CPPED1: variants seen among roughly 807,000 people sequenced by gnomAD.
The protein encoded by CPPED1 is calcineurin like phosphoesterase domain containing 1.
CPPED1 carries 28 observed loss-of-function variants against 28.0 expected under a neutral mutation model. The ratio of observed to expected loss-of-function variants is 1.00; its 90% CI spans 0.74 to 1.37. CPPED1 has a LOEUF of 1.37. Ranked by LOEUF, CPPED1 falls within the 40% of genes most tolerant of loss-of-function variation. The pLI is 0.00. For missense variants in CPPED1, 504 were observed against 416.5 expected, an observed-to-expected ratio of 1.21 and a Z score of -1.83; for synonymous variants, 198 against 180.2, an observed-to-expected ratio of 1.10 and a Z score of -0.79.
Position 12,785,522 on chromosome 16 carries a change from A to G in CPPED1, c.71-4119T>C, listed in dbSNP as rs111634309. 9.3e-3 allele frequency among the ~76,000 whole-genome samples: 1,412 copies of G among 151,334 alleles called. 18 individuals are homozygous for G. Among genetic ancestry groups the G allele is most frequent in the African/African-American group, 0.033 (1,351 of 41,192 alleles). On this transcript the variant is annotated intron_variant, in intron 1 of 3. Transcript: ENST00000381774. ...TGCTTACTGCAATCTCTGCCTCCCA[A>G]GCTCAAGTGATTCTCATGCCTCAGC...
chr16:12,685,475 A>G (rs2079927960), intron 3 of CPPED1, among the ~76,000 whole-genome samples: 1 of 152,196 alleles, frequency 6.6e-6, no homozygotes, highest in Admixed American at 6.5e-5. Flanking sequence ...GAATAAAATG[A>G]TAATAATAGC....
chr16:12,769,560 C>G (rs75676655), intron 2 of CPPED1, among the ~76,000 whole-genome samples: 1 of 152,296 alleles, frequency 6.6e-6, no homozygotes, highest in African/African-American at 2.4e-5. Flanking sequence ...TCCCAGTTCC[C>G]TAATTAGTCA....
chr16:12,770,614 G>A (rs1292520897), intron 2 of CPPED1, among the ~76,000 whole-genome samples: 1 of 152,108 alleles, frequency 6.6e-6, no homozygotes, highest in Non-Finnish European at 1.5e-5. Context: ...CCTGAGGTCA[G>A]GAGTTTGAGA....
At chr16:12,749,061 C>T (rs150297625) in intron 2 of CPPED1, among the ~76,000 whole-genome samples, 118 of 152,150 alleles carry the variant, frequency 7.8e-4, no homozygotes, top group African/African-American at 2.7e-3. Flanking sequence ...GATGAGGACG[C>T]TAGCTGCTGA....
chr16:12,758,771 T>G (rs2080389075), intron 2 of CPPED1, among the ~76,000 whole-genome samples: 1 of 152,136 alleles, frequency 6.6e-6, no homozygotes, highest in Non-Finnish European at 1.5e-5. Context: ...AAACTGGTAC[T>G]TCTGGAGCAG....
intron 2 of CPPED1, among the ~76,000 whole-genome samples, chr16:12,717,875 C>T (rs2080115848): frequency 6.6e-6 from 1 of 152,140 alleles, no homozygotes; most frequent in Non-Finnish European, 1.5e-5. Flanking sequence ...CTCCTGACCT[C>T]AAGTGATCTG....
chr16:12,769,653 C>A (rs776153099), intron 2 of CPPED1, among the ~76,000 whole-genome samples: 9 of 152,128 alleles, frequency 5.9e-5, no homozygotes, highest in Admixed American at 5.9e-4. Flanking sequence ...ATGATTTCAC[C>A]GGGCTCATAC....
At chr16:12,756,354 G>T (rs13333158) in intron 2 of CPPED1, among the ~76,000 whole-genome samples, 1,921 of 152,226 alleles carry the variant, frequency 0.013, 36 homozygotes, top group African/African-American at 0.044. Context: ...ATCTCACGTG[G>T]GCAGTTCCAC....
intron 3 of CPPED1, among the ~76,000 whole-genome samples, chr16:12,678,488 C>T (rs1018707748): frequency 5.3e-5 from 8 of 151,978 alleles, no homozygotes; most frequent in Non-Finnish European, 8.8e-5. Flanking sequence ...GTCGCTCAAT[C>T]GGGGGGGAAA....
chr16:12,683,728 A>G (rs1012119034), intron 3 of CPPED1, among the ~76,000 whole-genome samples: 1 of 151,956 alleles, frequency 6.6e-6, no homozygotes, highest in East Asian at 1.9e-4. Context: ...CTCCATCCTC[A>G]GTGTGATCTT....
At chr16:12,741,759 C>A (rs1180444993) in intron 2 of CPPED1, among the ~76,000 whole-genome samples, 1 of 152,156 alleles carries the variant, frequency 6.6e-6, no homozygotes, top group African/African-American at 2.4e-5. Context: ...ATTTAAAACA[C>A]TGCAAAACTG....
intron 2 of CPPED1, among the ~76,000 whole-genome samples, chr16:12,757,081 T>C (rs2080374734): frequency 6.6e-6 from 1 of 151,884 alleles, no homozygotes; most frequent in Non-Finnish European, 1.5e-5. Context: ...GATGACCAAC[T>C]AAGTTACAGC....
intron 2 of CPPED1, among the ~76,000 whole-genome samples, chr16:12,778,683 A>G (rs950356719): frequency 1.2e-4 from 18 of 152,266 alleles, no homozygotes; most frequent in African/African-American, 4.3e-4. Flanking sequence ...GTCAAAGCAA[A>G]TAATTACTTT....
intron 2 of CPPED1, among the ~76,000 whole-genome samples, chr16:12,725,378 G>C (rs903406717): frequency 6.6e-6 from 1 of 152,182 alleles, no homozygotes; most frequent in African/African-American, 2.4e-5. Flanking sequence ...ACAGGCATAA[G>C]CCACTGTGCC....
chr16:12,754,367 G>A (rs886329972), intron 2 of CPPED1, among the ~76,000 whole-genome samples: 3 of 152,162 alleles, frequency 2.0e-5, no homozygotes, highest in African/African-American at 7.2e-5. Flanking sequence ...GATCTGCTGT[G>A]GTGAACACAC....
chr16:12,691,095 GCCACTGCCCAGGCC>G (rs2079960488), intron 3 of CPPED1, among the ~76,000 whole-genome samples: 1 of 152,196 alleles, frequency 6.6e-6, no homozygotes, highest in Admixed American at 6.5e-5. Flanking sequence ...AGGACCCAGG[GCCACTGCCCAGGCC>G]CCAAGCAATT....
chr16:12,792,121 T>C (rs2080600298), intron 1 of CPPED1, among the ~76,000 whole-genome samples: 1 of 151,926 alleles, frequency 6.6e-6, no homozygotes, highest in Non-Finnish European at 1.5e-5. Context: ...CCAGCTAATG[T>C]TTTGTATTTT....
intron 2 of CPPED1, among the ~76,000 whole-genome samples, chr16:12,763,834 T>C (rs893725711): frequency 5.9e-5 from 9 of 152,116 alleles, no homozygotes; most frequent in Admixed American, 3.9e-4. Flanking sequence ...GAGCCTCAAA[T>C]ACTAAACTGG....
At chr16:12,758,572 C>T (rs2080387530) in intron 2 of CPPED1, among the ~76,000 whole-genome samples, 1 of 152,146 alleles carries the variant, frequency 6.6e-6, no homozygotes, top group Non-Finnish European at 1.5e-5. Context: ...TTCAGTTCAG[C>T]CTCCCACCAG....
Sources: gnomAD v4.1 joint callset for allele counts (sites outside exome capture counted in the v4.1 genomes callset) on GRCh38, gnomAD v4.1.1 for gene constraint, MANE v1.5 for transcripts, NCBI Gene and HGNC (gene_info 2026-07-23, HGNC 2026-07-21) for gene names.